Variants in ADGRA2 observed in about 807,000 individuals in gnomAD.
ADGRA2 encodes adhesion G protein-coupled receptor A2, also known as G-protein coupled receptor 124.
In ADGRA2, 61 loss-of-function variants were observed where a neutral mutation model predicts 98.7. The ratio of observed to expected loss-of-function variants is 0.62; its 90% confidence interval spans 0.50 to 0.76. The LOEUF (loss-of-function observed/expected upper bound fraction) is 0.76, where lower values mean the gene tolerates loss of function less well. ADGRA2 is among the 30% of genes least tolerant of loss of function. The pLI is 0.00. For missense variants in ADGRA2, 1,712 were observed against 1,860.0 expected (o/e 0.92, Z 1.46); for synonymous variants, 858 against 831.5 (o/e 1.03, Z -0.55).
intron 2 of ADGRA2, among the ~76,000 whole-genome samples, chr8:37,828,022 G>A (rs893561459): frequency 1.3e-5 from 2 of 151,978 alleles, no homozygotes; most frequent in African/African-American, 4.8e-5. Flanking sequence ...CACACCTGTG[G>A]TGCCAGTTGC....
chr8:37,831,787 G>A (rs780764768), intron 8 of ADGRA2, among the ~76,000 whole-genome samples, 200 bp downstream of exon 8: 5 of 152,186 alleles, frequency 3.3e-5, no homozygotes, highest in Non-Finnish European at 7.3e-5. Flanking sequence ...ATCTGAGGCC[G>A]GGTGCAGTGG....
Position 37,830,926 on chromosome 8 carries a change from A to G in ADGRA2, c.932+3A>G. 1.3e-6 allele frequency: 2 copies of G among 1,563,580 alleles called. No individual in the cohort carries two copies. The highest frequency in any genetic ancestry group is 8.7e-7 in the Non-Finnish European group (1 of 1,153,580). ...CACGACTGCACCTTCATCACCAGGT[A>G]TGAGCCCCGCTGCCCCTCCTCAGGC... On this transcript the variant is annotated splice_donor_region_variant and intron_variant, in intron 7 of 18. Transcript: ENST00000412232. The surrounding 1 kb of genome is among the most constrained non-coding windows in gnomAD (Gnocchi z 4.8).
chr8:37,830,886 G>T lies in ADGRA2; in HGVS notation c.895G>T (p.Ala299Ser), dbSNP rs767523114. ...TGATGAGCAGGCGGGCATCCTCCTG[G>T]CCGAGAGCCTCATCCACGACTGCAC... ...EGDEQAGILL[A>S]ESLIHDCTFI... The change falls in exon 7 of 19, where the codon GCC becomes TCC. Residue 299 changes from alanine (A) to serine (S), a missense_variant. Physicochemically the swap from Ala to Ser is moderately conservative, Grantham distance 99. Transcript: ENST00000412232. This position sits in a 1 kb window ranked among gnomAD's most constrained non-coding sequence, Gnocchi z 4.8. The T allele has an allele frequency of 3.8e-6, 6 of 1,588,778 alleles. No individual in the cohort carries two copies. In the Admixed American group the frequency reaches 8.8e-5, roughly 23 times the overall value.
intron 1 of ADGRA2, among the ~76,000 whole-genome samples, chr8:37,805,208 T>C (rs1234410267): frequency 6.6e-6 from 1 of 152,204 alleles, no homozygotes; most frequent in Non-Finnish European, 1.5e-5. Context: ...ATCCTGGAGC[T>C]CTGCCCCTGT....
rs1247005936 is a variant in ADGRA2, at chr8:37,843,149, T to A, written c.*794T>A. ...AGTAGAGGGAGAGGGCAGGTGGAAC[T>A]GGGGCAGAATCTAGTCATGCCCTAA... On this transcript the variant is annotated 3_prime_UTR_variant, in exon 19 of 19. Coordinates refer to ENST00000412232, the MANE Select transcript of ADGRA2 (RefSeq NM_032777.10). 6.6e-6 allele frequency: 1 copy of A among 152,302 alleles called. No individual in the cohort carries two copies. Among genetic ancestry groups the A allele is most frequent in the East Asian group, 1.9e-4 (1 of 5,196 alleles). 9.4% of individuals were successfully genotyped at this position (152,302 alleles called of 1,614,324 possible).
At chr8:37,819,625 C>T (rs1300693298) in intron 2 of ADGRA2, among the ~76,000 whole-genome samples, 3 of 152,120 alleles carry the variant, frequency 2.0e-5, no homozygotes, top group African/African-American at 7.2e-5. Flanking sequence ...CCTCCTTGGC[C>T]TTCCAAAGTG....
intron 1 of ADGRA2, among the ~76,000 whole-genome samples, chr8:37,812,803 G>T (rs927090744): frequency 3.3e-5 from 5 of 151,706 alleles, no homozygotes; most frequent in African/African-American, 1.2e-4. Context: ...CTGAGTAGCT[G>T]GGACTATAGG....
intron 1 of ADGRA2, among the ~76,000 whole-genome samples, chr8:37,812,198 C>T (rs1362075301): frequency 3.3e-5 from 5 of 151,528 alleles, no homozygotes; most frequent in Non-Finnish European, 5.9e-5. Context: ...GTTGTCAGCT[C>T]TCTGTTAAAG....
chr8:37,829,598 T>A (rs751073007), intron 5 of ADGRA2, 39 bp downstream of exon 5: 13 of 1,405,052 alleles, frequency 9.3e-6, no homozygotes, highest in Admixed American at 1.7e-5. Flanking sequence ...CAGACCCCTG[T>A]CCCTTTCTCT....
intron 4 of ADGRA2, 45 bp downstream of exon 4, chr8:37,829,377 G>A: frequency 6.3e-7 from 1 of 1,579,212 alleles, no homozygotes; most frequent in Non-Finnish European, 8.7e-7. Context: ...GAGGGAAGAA[G>A]TGCATAGGAA....
At chr8:37,840,875 A>AGCCT in intron 18 of ADGRA2, 26 bp downstream of exon 18, 1 of 944,636 alleles carries the variant, frequency 1.1e-6, no homozygotes, top group South Asian at 1.3e-5. Flanking sequence ...TCCCGCCCCA[A>AGCCT]GCCTACCTAC....
intron 2 of ADGRA2, among the ~76,000 whole-genome samples, chr8:37,820,264 C>T (rs1755527305): frequency 6.6e-6 from 1 of 152,200 alleles, no homozygotes. Context: ...TGTGATTAAA[C>T]CACTGGGTAC....
Position 37,833,753 on chromosome 8 carries a change from C to T in ADGRA2, c.1362C>T (p.Ala454=), listed in dbSNP as rs774600544. The T allele has an allele frequency of 7.1e-5, 115 of 1,614,038 alleles. No individual in the cohort carries two copies. Among genetic ancestry groups the T allele is most frequent in the Middle Eastern group, 1.6e-4 (1 of 6,084 alleles). ...AHQLRVYTAE[A]ASFSDMMDVV... ...AGCTGCGCGTGTACACAGCCGAGGC[C>T]GCTAGCTTTTCAGACATGATGGATG... is the stretch of plus-strand genomic sequence containing the variant. Residue 454 remains alanine (A), a synonymous_variant, in exon 10 of 19, where the codon GCC becomes GCT. Transcript: ENST00000412232.
intron 1 of ADGRA2, among the ~76,000 whole-genome samples, chr8:37,804,050 T>TG (rs1053276245): frequency 2.2e-4 from 33 of 150,454 alleles, no homozygotes; most frequent in African/African-American, 8.1e-4. Flanking sequence ...AAAGATAAGA[T>TG]GTGGGGTCTC....
Position 37,802,486 on chromosome 8 carries a change from A to G in ADGRA2, c.266+4952A>G, listed in dbSNP as rs1381333668. 6.6e-6 allele frequency among the ~76,000 whole-genome samples: 1 copy of G among 152,158 alleles called. No homozygotes were observed. Among genetic ancestry groups the G allele is most frequent in the Non-Finnish European group, 1.5e-5 (1 of 68,028 alleles). The stretch of plus-strand genomic sequence containing the variant: ...AAAAGAAGGAAAGAAGAGAGGGAAG[A>G]GGCCAGAGACAGAGAAGGCCAGAGC... On this transcript the variant is annotated intron_variant, in intron 1 of 18. Transcript: ENST00000412232. The surrounding 1 kb of genome is among the most constrained non-coding windows in gnomAD (Gnocchi z 4.7).
rs776691050 is a variant in ADGRA2 at position 37,829,570 on chromosome 8, C to G, written c.554+11C>G. On this transcript the variant is annotated intron_variant, in intron 5 of 18. Coordinates refer to ENST00000412232, the MANE Select transcript of ADGRA2 (RefSeq NM_032777.10). Reference sequence around the variant, plus strand: ...AGCCCTTAAGGTTGTGTGAGTATCTCTTCCTAGCTCAAGGACCCAGACCCC... The same window carrying G: ...AGCCCTTAAGGTTGTGTGAGTATCTGTTCCTAGCTCAAGGACCCAGACCCC... 15 of 1,590,944 alleles carry G rather than the reference C, an allele frequency of 9.4e-6. No homozygotes were observed. The highest frequency in any genetic ancestry group is 4.4e-5 in the South Asian group (4 of 90,632).
Position 37,842,584 on chromosome 8 carries a change from G to A in ADGRA2, c.*229G>A, listed in dbSNP as rs960825906. 2.0e-5 allele frequency: 13 copies of A among 663,900 alleles called. No individual in the cohort carries two copies. The highest frequency in any genetic ancestry group is 9.1e-4 in the Middle Eastern group (2 of 2,206). 41.1% of individuals were successfully genotyped at this position (663,900 alleles called of 1,614,324 possible). A position where few individuals can be genotyped will look rare whatever the true frequency, so the allele number is the denominator to read the frequency against. On this transcript the variant is annotated 3_prime_UTR_variant, in exon 19 of 19. Coordinates refer to ENST00000412232, the MANE Select transcript of ADGRA2 (RefSeq NM_032777.10). ...ATTTCCGTCCAGCCCGGGGCAGTCT[G>A]ACTGTCGGTGCCCTCCCAGGAACGG...
chr8:37,799,240 T>C (rs113754954), intron 1 of ADGRA2, among the ~76,000 whole-genome samples: 3,600 of 152,110 alleles, frequency 0.024, 164 homozygotes, highest in African/African-American at 0.082. Context: ...CCAGGCGTGG[T>C]AGCGCGCGCC....
intron 2 of ADGRA2, among the ~76,000 whole-genome samples, chr8:37,819,406 T>A (rs1805068195): frequency 1.3e-5 from 2 of 152,206 alleles, no homozygotes; most frequent in African/African-American, 4.8e-5. Context: ...GGAGTCTCGC[T>A]CTGTCACCAG....
Sources: gnomAD v4.1 joint callset for allele counts (sites outside exome capture counted in the v4.1 genomes callset) on GRCh38, gnomAD v4.1.1 for gene constraint, Gnocchi (gnomAD v3.1) non-coding constraint, MANE v1.5 for transcripts, NCBI Gene and HGNC (gene_info 2026-07-23, HGNC 2026-07-21) for gene names.